The following CSMD1 variants were observed in gnomAD, a reference collection of about 807,000 sequenced individuals.
CSMD1 encodes CUB and sushi domain-containing protein 1.
CSMD1 carries 213 observed loss-of-function variants against 417.5 expected under a neutral mutation model. That is an observed-to-expected ratio of 0.51 (90% CI 0.46 to 0.57). The LOEUF is 0.57. Ranked by LOEUF, CSMD1 falls within the 20% of genes least tolerant of loss-of-function variation. The pLI, the probability that CSMD1 is intolerant of heterozygous loss-of-function variation, is 0.00. For synonymous variants in CSMD1, 2,862 were observed against 1,736.8 expected, an observed-to-expected ratio of 1.65 and a Z score of -16.11; for missense variants, 6,923 against 4,529.7, an observed-to-expected ratio of 1.53 and a Z score of -15.17.
chr8:3,890,010 C>T (rs1220037068), intron 5 of CSMD1, among the ~76,000 whole-genome samples: 1 of 151,994 alleles, frequency 6.6e-6, no homozygotes, highest in East Asian at 1.9e-4. Context: ...AGGGAGATCC[C>T]TTCTCAAAAA....
intron 4 of CSMD1, among the ~76,000 whole-genome samples, chr8:4,005,222 A>G (rs1479754571): frequency 6.6e-6 from 1 of 152,182 alleles, no homozygotes; most frequent in Admixed American, 6.5e-5. Flanking sequence ...ACCATCTCAG[A>G]AATCACCACT....
At chr8:3,257,450 CA>C (rs1563194183) in intron 26 of CSMD1, among the ~76,000 whole-genome samples, 1 of 152,162 alleles carries the variant, frequency 6.6e-6, no homozygotes, top group East Asian at 1.9e-4. Flanking sequence ...GATAACAATA[CA>C]AAATACAACC....
intron 3 of CSMD1, among the ~76,000 whole-genome samples, chr8:4,106,982 A>C (rs980051811): frequency 6.6e-5 from 10 of 152,368 alleles, no homozygotes; most frequent in Admixed American, 6.5e-4. Flanking sequence ...GAGACTCAGC[A>C]GATGGGCCTT....
intron 39 of CSMD1, among the ~76,000 whole-genome samples, chr8:3,154,407 T>C (rs1008134059): frequency 6.6e-6 from 1 of 152,222 alleles, no homozygotes; most frequent in Non-Finnish European, 1.5e-5. Context: ...GACCCTTTCT[T>C]ATAGGTAAAT....
intron 1 of CSMD1, among the ~76,000 whole-genome samples, chr8:4,831,792 C>T (rs1800165347): frequency 6.6e-6 from 1 of 152,170 alleles, no homozygotes; most frequent in Non-Finnish European, 1.5e-5. Flanking sequence ...AGCAGGTCCC[C>T]TTCAGGGACC....
At chr8:4,181,889 C>A (rs1440530743) in intron 3 of CSMD1, among the ~76,000 whole-genome samples, 2 of 152,090 alleles carry the variant, frequency 1.3e-5, no homozygotes, top group Non-Finnish European at 2.9e-5. Flanking sequence ...CATGATTTCA[C>A]AGTGATAACC....
At chr8:3,535,814 G>A (rs1017697348) in intron 10 of CSMD1, among the ~76,000 whole-genome samples, 1 of 152,138 alleles carries the variant, frequency 6.6e-6, no homozygotes. Flanking sequence ...ATTCCTTGCA[G>A]TTTCCTCTCC....
Position 3,342,222 on chromosome 8 carries a change from AT to A in CSMD1, c.3631+1071del, listed in dbSNP as rs573142999. On this transcript the variant is annotated intron_variant, in intron 23 of 69. Coordinates refer to ENST00000635120, the MANE Select transcript of CSMD1 (RefSeq NM_033225.6). ...AAAGTCTTACAATTCTTCACCTGTG[AT>A]TTTTTCCTCCTAAGAGGGATTTGAG... is the stretch of plus-strand genomic sequence containing the variant. Among the ~76,000 whole-genome samples the A allele has an allele frequency of 1.2e-3, 190 of 152,150 alleles. 3 individuals are homozygous for A. The highest frequency in any genetic ancestry group is 2.3e-3 in the Non-Finnish European group (157 of 68,000).
At chr8:3,364,882 G>T (rs374944895) in intron 20 of CSMD1, among the ~76,000 whole-genome samples, 18 of 152,294 alleles carry the variant, frequency 1.2e-4, no homozygotes, top group Admixed American at 7.8e-4. Context: ...GACAGTAGTC[G>T]TCAAAAGAGT....
chr8:4,014,984 C>G (rs139548913), intron 4 of CSMD1, among the ~76,000 whole-genome samples: 2 of 152,168 alleles, frequency 1.3e-5, no homozygotes, highest in African/African-American at 2.4e-5. Context: ...AAATGTAGCA[C>G]AGCAAATATG....
chr8:4,937,632 G>A (rs1399466250), intron 1 of CSMD1, among the ~76,000 whole-genome samples: 6 of 152,166 alleles, frequency 3.9e-5, no homozygotes, highest in Non-Finnish European at 7.3e-5. Context: ...ATCTGACGGA[G>A]GCATCAAATA....
intron 15 of CSMD1, among the ~76,000 whole-genome samples, chr8:3,405,532 C>A (rs1202999209): frequency 6.6e-6 from 1 of 152,144 alleles, no homozygotes; most frequent in Non-Finnish European, 1.5e-5. Flanking sequence ...AGGTCCTAAC[C>A]CTCAGCGCCT....
At chr8:4,701,417 G>T (rs1402733545) in intron 1 of CSMD1, among the ~76,000 whole-genome samples, 1 of 150,764 alleles carries the variant, frequency 6.6e-6, no homozygotes, top group Non-Finnish European at 1.5e-5. Context: ...ACTTTGTCCT[G>T]TGCCTGAACC....
chr8:4,694,354 T>C (rs1387453057), intron 1 of CSMD1, among the ~76,000 whole-genome samples: 3 of 151,740 alleles, frequency 2.0e-5, no homozygotes, highest in African/African-American at 4.8e-5. Context: ...CTTTTTTTTA[T>C]TTTTTTTATT....
At chr8:3,293,979 G>C (rs542150954) in intron 25 of CSMD1, among the ~76,000 whole-genome samples, 1 of 152,148 alleles carries the variant, frequency 6.6e-6, no homozygotes, top group East Asian at 1.9e-4. Flanking sequence ...GGTCTTTGAT[G>C]ATGATGACGT....
chr8:3,883,924 G>A (rs1457717719), intron 5 of CSMD1, among the ~76,000 whole-genome samples: 1 of 152,162 alleles, frequency 6.6e-6, no homozygotes, highest in Admixed American at 6.5e-5. Context: ...TAAAATATAT[G>A]AATATAGGCA....
intron 1 of CSMD1, among the ~76,000 whole-genome samples, chr8:4,738,298 C>A (rs921177217): frequency 6.6e-6 from 1 of 152,144 alleles, no homozygotes. Flanking sequence ...GGGTTATTTA[C>A]AGAGGAAACA....
At chr8:3,838,748 TAATA>T (rs1421702330) in intron 5 of CSMD1, among the ~76,000 whole-genome samples, 3 of 69,540 alleles carry the variant, frequency 4.3e-5, no homozygotes, top group Non-Finnish European at 7.0e-5. Context: ...GTATAATATA[TAATA>T]AATATTATAT....
intron 25 of CSMD1, among the ~76,000 whole-genome samples, chr8:3,297,837 C>G (rs938810143): frequency 2.0e-5 from 3 of 150,830 alleles, no homozygotes; most frequent in Non-Finnish European, 4.4e-5. Context: ...AATTTGCTAA[C>G]CGTAAAGAAA....
Sources: allele counts gnomAD v4.1 joint callset (sites outside exome capture counted in the v4.1 genomes callset), GRCh38; gene constraint gnomAD v4.1.1; transcripts MANE v1.5; gene names NCBI Gene and HGNC (gene_info 2026-07-23, HGNC 2026-07-21).